The following ANXA8 variants were observed in gnomAD, a reference collection of about 807,000 sequenced individuals.
The protein encoded by ANXA8 is annexin A8, also known as VAC-beta.
In ANXA8, 9 loss-of-function variants were observed where a neutral mutation model predicts 26.8. The ratio of observed to expected loss-of-function variants is 0.34; its 90% confidence interval spans 0.20 to 0.59. The LOEUF is 0.59. Among genes scored for constraint, ANXA8 ranks in the 20% least tolerant of loss-of-function variants. The pLI is 0.84. For synonymous variants in ANXA8, 39 were observed against 94.8 expected (o/e 0.41, Z 3.42); for missense variants, 83 against 238.5 (o/e 0.35, Z 4.29).
chr10:47,503,063 A>G, the ANXA8 span: 2 of 1,611,036 alleles, frequency 1.2e-6, no homozygotes, highest in South Asian at 2.2e-5. Context: ...TTAGAGCTGG[A>G]GATGGGTGCA....
At chr10:47,671,489 G>T in the ANXA8 span, among the ~76,000 whole-genome samples, 2 of 152,104 alleles carry the variant, frequency 1.3e-5, no homozygotes, top group African/African-American at 4.8e-5. Context: ...TGGGGGTTTG[G>T]AATCCTATCT....
the ANXA8 span, among the ~76,000 whole-genome samples, chr10:47,683,279 A>C: frequency 1.6e-5 from 2 of 125,630 alleles, no homozygotes; most frequent in Non-Finnish European, 3.1e-5. Context: ...CCCAGGCTGG[A>C]GTGCAGTGGC....
the ANXA8 span, among the ~76,000 whole-genome samples, chr10:47,636,638 G>T: frequency 7.9e-4 from 118 of 148,936 alleles, no homozygotes; most frequent in South Asian, 2.1e-3. Context: ...AAATTTTCTT[G>T]TGTTCTTTTT....
At chr10:47,637,382 T>C in the ANXA8 span, among the ~76,000 whole-genome samples, 1 of 149,946 alleles carries the variant, frequency 6.7e-6, no homozygotes, top group African/African-American at 2.5e-5. Context: ...TACAAAATTT[T>C]ACTGCACTAA....
the ANXA8 span, among the ~76,000 whole-genome samples, chr10:47,623,527 A>C: frequency 1.8e-5 from 2 of 111,782 alleles, 1 homozygote; most frequent in Non-Finnish European, 3.9e-5. Flanking sequence ...AAACCATTAG[A>C]TATTGCTGAA....
the ANXA8 span, chr10:47,490,456 G>C: frequency 6.6e-6 from 1 of 152,188 alleles, no homozygotes; most frequent in East Asian, 2.0e-4. Flanking sequence ...GGCTGCGAAG[G>C]CCCCGAGTTC....
In ANXA8 at chr10:47,468,871, C is replaced by G; in HGVS notation, c.960G>C (p.Leu320=). ...DTSGDYKNAL[L]SLVGSDP The stretch of plus-strand genomic sequence containing the variant: ...CTCAGGGGTCGCTGCCCACCAGGCT[C>G]AGCAGGGCGTTCTTGTAGTCACCGC... Residue 320 remains leucine (L), a synonymous_variant, in exon 12 of 12, where the codon CTG becomes CTC. Transcript: ENST00000585281. 1 of 1,611,112 alleles carries G rather than the reference C, an allele frequency of 6.2e-7. No homozygotes were observed. The highest frequency in any genetic ancestry group is 8.5e-7 in the Non-Finnish European group (1 of 1,179,748).
the ANXA8 span, among the ~76,000 whole-genome samples, chr10:47,516,709 A>C: frequency 1.4e-4 from 19 of 133,824 alleles, 4 homozygotes; most frequent in Non-Finnish European, 2.6e-4. Flanking sequence ...GTTGCCCCCC[A>C]CACACACATA....
At chr10:47,646,565 G>C in the ANXA8 span, among the ~76,000 whole-genome samples, 2 of 151,332 alleles carry the variant, frequency 1.3e-5, no homozygotes, top group Admixed American at 6.6e-5. Flanking sequence ...TTTGTTAGTT[G>C]AGACAGAAAC....
At chr10:47,943,574 T>G in the ANXA8 span, among the ~76,000 whole-genome samples, 1 of 149,674 alleles carries the variant, frequency 6.7e-6, no homozygotes, top group South Asian at 2.1e-4. Context: ...AGCCCTCCTG[T>G]GTTCATCCTG....
chr10:47,674,724 T>A, the ANXA8 span, among the ~76,000 whole-genome samples: 20 of 151,806 alleles, frequency 1.3e-4, no homozygotes, highest in Admixed American at 1.2e-3. Context: ...CATTTATTTA[T>A]CCATTCAATT....
the ANXA8 span, among the ~76,000 whole-genome samples, chr10:47,651,785 T>C: frequency 1.1e-4 from 17 of 152,032 alleles, no homozygotes; most frequent in Admixed American, 7.9e-4. Flanking sequence ...TTCCAGCTAC[T>C]TGGGAGGCTG....
the ANXA8 span, among the ~76,000 whole-genome samples, chr10:47,746,764 T>A: frequency 1.7e-5 from 2 of 120,630 alleles, no homozygotes; most frequent in African/African-American, 6.0e-5. Context: ...CTTATTTAAG[T>A]ATGGCATTGA....
the ANXA8 span, among the ~76,000 whole-genome samples, chr10:47,694,077 T>C: frequency 2.6e-5 from 4 of 151,778 alleles, no homozygotes; most frequent in African/African-American, 9.7e-5. Context: ...AACTCTGCAA[T>C]CTCTGTATTT....
At chr10:47,745,460 C>T in the ANXA8 span, among the ~76,000 whole-genome samples, 2 of 145,428 alleles carry the variant, frequency 1.4e-5, no homozygotes, top group Non-Finnish European at 1.5e-5. Context: ...AAAAAATCAT[C>T]GTTTTCTTCC....
At chr10:47,488,485 A>C (rs1438057388), upstream of ANXA8, among the ~76,000 whole-genome samples, 1 of 150,708 alleles carries the variant, frequency 6.6e-6, no homozygotes, top group Non-Finnish European at 1.5e-5. Context: ...GGCTAGGATT[A>C]CAGGCGTGAG....
chr10:47,700,712 C>G, the ANXA8 span, among the ~76,000 whole-genome samples: 11 of 151,526 alleles, frequency 7.3e-5, no homozygotes, highest in African/African-American at 2.7e-4. Context: ...CAAAAGACAA[C>G]TGACAAACTT....
At chr10:47,977,729 A>T in the ANXA8 span, among the ~76,000 whole-genome samples, 2 of 151,718 alleles carry the variant, frequency 1.3e-5, no homozygotes, top group African/African-American at 4.8e-5. Context: ...AGGCAGAAAA[A>T]AGATTCAGTA....
chr10:47,940,661 C>T, the ANXA8 span, among the ~76,000 whole-genome samples: 1 of 147,926 alleles, frequency 6.8e-6, no homozygotes, highest in South Asian at 2.1e-4. Context: ...AACACCGTCT[C>T]TACTACAAAT....
Sources: allele counts gnomAD v4.1 joint callset (sites outside exome capture counted in the v4.1 genomes callset), GRCh38; gene constraint gnomAD v4.1.1; transcripts MANE v1.5; gene names NCBI Gene and HGNC (gene_info 2026-07-23, HGNC 2026-07-21).